Variants in DCP1A observed in about 807,000 individuals in gnomAD.
The protein encoded by DCP1A is mRNA-decapping enzyme 1A.
In DCP1A, 20 loss-of-function variants were observed where a neutral mutation model predicts 58.0. That is an observed-to-expected ratio of 0.34 (90% CI 0.24 to 0.50). DCP1A has a LOEUF of 0.50. DCP1A is among the 20% of genes least tolerant of loss of function. DCP1A has a pLI of 0.98. For synonymous variants in DCP1A, 285 were observed against 275.1 expected (o/e 1.04, Z -0.36); for missense variants, 613 against 712.2 (o/e 0.86, Z 1.59).
intron 3 of DCP1A, chr3:53,338,161 C>G (rs1233544642): frequency 2.2e-6 from 1 of 448,106 alleles, no homozygotes. Context: ...AGTTGAGGAT[C>G]AGAAATAAGG....
intron 8 of DCP1A, 157 bp from the exon 9 acceptor site, chr3:53,288,440 C>T (rs1706728509): frequency 6.6e-6 from 4 of 609,356 alleles, no homozygotes; most frequent in Non-Finnish European, 8.7e-6. Context: ...AACATGTGAA[C>T]ATCTGACATC....
chr3:53,335,234 G>A (rs184658312), intron 3 of DCP1A, among the ~76,000 whole-genome samples: 173 of 151,994 alleles, frequency 1.1e-3, no homozygotes, highest in Admixed American at 3.2e-3. Context: ...TCCACCTCCC[G>A]GGTTCAAGCG....
intron 5 of DCP1A, among the ~76,000 whole-genome samples, chr3:53,305,448 C>G (rs1466890142): frequency 6.6e-6 from 1 of 151,726 alleles, no homozygotes; most frequent in African/African-American, 2.4e-5. Flanking sequence ...CTCCCAGATT[C>G]AAGCAATTCT....
intron 5 of DCP1A, among the ~76,000 whole-genome samples, chr3:53,310,964 A>AAAC (rs1298559253): frequency 6.6e-6 from 1 of 152,204 alleles, no homozygotes; most frequent in African/African-American, 2.4e-5. Flanking sequence ...TGAGTTGTTA[A>AAAC]AGGGCAGTAT....
At chr3:53,303,814 A>G (rs1285989345) in intron 6 of DCP1A, among the ~76,000 whole-genome samples, 2 of 152,228 alleles carry the variant, frequency 1.3e-5, no homozygotes, top group Non-Finnish European at 2.9e-5. Flanking sequence ...GGGCCAGATA[A>G]GGTAGGGCCT....
chr3:53,331,176 A>T (rs1429964564), intron 3 of DCP1A, among the ~76,000 whole-genome samples: 1 of 152,166 alleles, frequency 6.6e-6, no homozygotes, highest in African/African-American at 2.4e-5. Context: ...ATATTGAAAT[A>T]GTTTTTGCCA....
intron 3 of DCP1A, among the ~76,000 whole-genome samples, chr3:53,331,931 G>C (rs954571922): frequency 1.3e-5 from 2 of 152,190 alleles, no homozygotes; most frequent in Non-Finnish European, 2.9e-5. Context: ...GGTATGTACT[G>C]GGTTGGTGCA....
At chr3:53,308,087 A>G (rs1195830332) in intron 5 of DCP1A, among the ~76,000 whole-genome samples, 2 of 152,322 alleles carry the variant, frequency 1.3e-5, no homozygotes, top group Non-Finnish European at 1.5e-5. Flanking sequence ...ACACTTGGAC[A>G]TATTTTTGCA....
At chr3:53,329,429 T>C (rs1421474474) in intron 3 of DCP1A, 1 of 398,466 alleles carries the variant, frequency 2.5e-6, no homozygotes, top group East Asian at 3.6e-5. Context: ...GGGGTACTTC[T>C]CTCTGGCTTT....
intron 3 of DCP1A, among the ~76,000 whole-genome samples, chr3:53,327,639 A>G (rs1708147651): frequency 6.6e-6 from 1 of 151,538 alleles, no homozygotes; most frequent in Non-Finnish European, 1.5e-5. Context: ...AAAATACAAA[A>G]AATTAGCCAG....
At chr3:53,329,567 A>T (rs571582174) in intron 3 of DCP1A, 9 of 387,734 alleles carry the variant, frequency 2.3e-5, no homozygotes, top group African/African-American at 6.2e-5. Flanking sequence ...GATATATGAC[A>T]TTAACTCCTT....
At chr3:53,346,675 A>C (rs967455844) in intron 1 of DCP1A, among the ~76,000 whole-genome samples, 5 of 152,192 alleles carry the variant, frequency 3.3e-5, no homozygotes, top group African/African-American at 1.2e-4. Flanking sequence ...CGAAAGCCAG[A>C]AAGTACTGAG....
Position 53,287,490 on chromosome 3 carries a change from T to C in DCP1A, c.*90A>G, listed in dbSNP as rs916998219. On this transcript the variant is annotated 3_prime_UTR_variant, in exon 10 of 10. Transcript: ENST00000610213. The stretch of plus-strand genomic sequence containing the variant: ...TCTCATAGGCTCAATTTCAGGATTC[T>C]CAAACTCAATGTTCTGCTCAGAAGT... 2.4e-6 allele frequency: 2 copies of C among 833,816 alleles called. No individual in the cohort carries two copies. The highest frequency in any genetic ancestry group is 3.9e-6 in the Non-Finnish European group (2 of 507,924). The allele number at this position is 833,816 out of a possible 1,614,324, so 51.7% of individuals were successfully genotyped here.
chr3:53,327,504 A>C (rs1708142874), intron 3 of DCP1A, among the ~76,000 whole-genome samples: 1 of 152,226 alleles, frequency 6.6e-6, no homozygotes, highest in Non-Finnish European at 1.5e-5. Flanking sequence ...AAAAAGAAAA[A>C]GCTGGCCGGG....
At chr3:53,311,068 C>G (rs1707629101) in intron 5 of DCP1A, among the ~76,000 whole-genome samples, 1 of 152,106 alleles carries the variant, frequency 6.6e-6, no homozygotes. Flanking sequence ...TGTAAAGTCC[C>G]AAGAGGATGG....
chr3:53,339,722 G>A (rs1455918254), intron 3 of DCP1A, among the ~76,000 whole-genome samples: 1 of 151,946 alleles, frequency 6.6e-6, no homozygotes, highest in Non-Finnish European at 1.5e-5. Context: ...CTTTTGCCTT[G>A]TGAAAAAAAT....
rs1706544152 is a variant in DCP1A at position 53,284,315 on chromosome 3, T to C, written c.*3265A>G. ...GCAGTTAGGGCCTCTACTATGGAAA[T>C]GAGAAAATTTCAAACTACATTCTTT... On this transcript the variant is annotated 3_prime_UTR_variant, in exon 10 of 10. Transcript: ENST00000610213. 6.6e-6 allele frequency: 1 copy of C among 152,130 alleles called. No homozygotes were observed. Among genetic ancestry groups the C allele is most frequent in the South Asian group, 2.1e-4 (1 of 4,834 alleles). 9.4% of individuals were successfully genotyped at this position (152,130 alleles called of 1,614,324 possible). A position where few individuals can be genotyped will look rare whatever the true frequency, so the allele number is the denominator to read the frequency against.
chr3:53,327,892 G>GC (rs1708156031), intron 3 of DCP1A, among the ~76,000 whole-genome samples: 1 of 151,926 alleles, frequency 6.6e-6, no homozygotes, highest in Admixed American at 6.6e-5. Flanking sequence ...GGAGGCCGAG[G>GC]CAGGTGGATC....
intron 3 of DCP1A, among the ~76,000 whole-genome samples, chr3:53,322,176 G>A (rs782007487): frequency 3.9e-5 from 6 of 152,070 alleles, no homozygotes; most frequent in Non-Finnish European, 8.8e-5. Flanking sequence ...TTCTCGGCTG[G>A]GCACGGTGGC....
Sources: gnomAD v4.1 joint callset for allele counts (sites outside exome capture counted in the v4.1 genomes callset) on GRCh38, gnomAD v4.1.1 for gene constraint, MANE v1.5 for transcripts, NCBI Gene and HGNC (gene_info 2026-07-23, HGNC 2026-07-21) for gene names.